USP6NL: variants seen among roughly 807,000 people sequenced by gnomAD.
The protein encoded by USP6NL is USP6 N-terminal-like protein.
In USP6NL, 26 loss-of-function variants were observed where a neutral mutation model predicts 61.9. The observed-to-expected ratio is 0.42, with a 90% CI of 0.31 to 0.58. The LOEUF is 0.58. Among genes scored for constraint, USP6NL ranks in the 20% least tolerant of loss-of-function variants. USP6NL has a pLI of 0.16. For synonymous variants in USP6NL, 432 were observed against 390.1 expected (o/e 1.11, Z -1.27); for missense variants, 1,114 against 1,034.3 (o/e 1.08, Z -1.06).
chr10:11,597,833 C>T lies in USP6NL; in HGVS notation c.-83-116G>A, dbSNP rs1054449026. ...AATATTCTACTATTTCCAAAAAGAA[C>T]TCTTGTGATCACCTATTAAATATAA... is the stretch of plus-strand genomic sequence containing the variant. On this transcript the variant is annotated intron_variant, in intron 1 of 14. Transcript: ENST00000609104. This position sits in a 1 kb window ranked among gnomAD's most constrained non-coding sequence, Gnocchi z 4.6. The T allele has an allele frequency of 9.1e-6, 5 of 551,922 alleles. No homozygotes were observed. The highest frequency in any genetic ancestry group is 6.5e-5 in the Admixed American group (2 of 30,856). 34.2% of individuals were successfully genotyped at this position (551,922 alleles called of 1,614,324 possible). A position where few individuals can be genotyped will look rare whatever the true frequency, so the allele number is the denominator to read the frequency against.
rs1367247194 is a variant in USP6NL, at chr10:11,482,288, C to T, written c.926-366G>A. 1.3e-5 allele frequency among the ~76,000 whole-genome samples: 2 copies of T among 152,188 alleles called. No individual in the cohort carries two copies. Among genetic ancestry groups the T allele is most frequent in the African/African-American group, 2.4e-5 (1 of 41,454 alleles). ...ATGAGGCCTTTCTCTTTTATTGATA[C>T]GGAGCTCCAAGAAGCCCCATTTTAA... On this transcript the variant is annotated intron_variant, in intron 13 of 14. Coordinates refer to ENST00000609104, the MANE Select transcript of USP6NL (RefSeq NM_014688.5). This position sits in a 1 kb window ranked among gnomAD's most constrained non-coding sequence, Gnocchi z 4.0.
intron 2 of USP6NL, among the ~76,000 whole-genome samples, chr10:11,586,970 G>C (rs1837990160): frequency 6.6e-6 from 1 of 152,008 alleles, no homozygotes; most frequent in Non-Finnish European, 1.5e-5. Context: ...TCCTTAAAGT[G>C]GTCCTCCCAA....
At chr10:11,586,363 G>A (rs1236888113) in intron 2 of USP6NL, among the ~76,000 whole-genome samples, 7 of 123,674 alleles carry the variant, frequency 5.7e-5, no homozygotes, top group Non-Finnish European at 1.0e-4. Flanking sequence ...CATCTTAAAT[G>A]ACCAAAAAAA....
chr10:11,479,664 C>T (rs1025597603), intron 14 of USP6NL, among the ~76,000 whole-genome samples: 12 of 151,788 alleles, frequency 7.9e-5, no homozygotes, highest in Admixed American at 5.9e-4. Flanking sequence ...AAAGCTCCAC[C>T]TCCCGGGTTC....
At chr10:11,586,614 A>T (rs910424870) in intron 2 of USP6NL, among the ~76,000 whole-genome samples, 2 of 152,296 alleles carry the variant, frequency 1.3e-5, no homozygotes, top group African/African-American at 4.8e-5. Context: ...GCAGAAATGT[A>T]AATGGCTTCT....
intron 2 of USP6NL, among the ~76,000 whole-genome samples, chr10:11,586,672 A>G (rs1055218327): frequency 1.3e-5 from 2 of 152,176 alleles, no homozygotes; most frequent in Non-Finnish European, 2.9e-5. Context: ...TTTTCAAAAT[A>G]TATTTATTTT....
chr10:11,581,977 T>C (rs1837789697), intron 2 of USP6NL, among the ~76,000 whole-genome samples: 1 of 152,050 alleles, frequency 6.6e-6, no homozygotes, highest in African/African-American at 2.4e-5. Flanking sequence ...GTTGTTGTTG[T>C]TTTTGAGACG....
At position 11,596,162 on chromosome 10, in the gene USP6NL, A is replaced by G. The variant is rs925322903; in HGVS notation, c.4+1469T>C. 2.6e-5 allele frequency among the ~76,000 whole-genome samples: 4 copies of G among 152,262 alleles called. No homozygotes were observed. The highest frequency in any genetic ancestry group is 9.6e-5 in the African/African-American group (4 of 41,476). The stretch of plus-strand genomic sequence containing the variant: ...TCCTAACAGAACCCAAAAATTGCAA[A>G]GTAGAAGAAAATTTATTTCACTTTC... On this transcript the variant is annotated intron_variant, in intron 2 of 14. Transcript: ENST00000609104. This position sits in a 1 kb window ranked among gnomAD's most constrained non-coding sequence, Gnocchi z 4.1.
rs529726355 is a variant in USP6NL, at chr10:11,491,910, A to G, written c.495-1030T>C. 2.0e-5 allele frequency among the ~76,000 whole-genome samples: 3 copies of G among 152,384 alleles called. No individual in the cohort carries two copies. In the South Asian group the frequency reaches 6.2e-4, roughly 32 times the overall value. ...AAACACCACCTGTGACCACATGACC[A>G]GTCACAGAAGGGATTGCTGCAATTA... On this transcript the variant is annotated intron_variant, in intron 8 of 14. Transcript: ENST00000609104. This position sits in a 1 kb window ranked among gnomAD's most constrained non-coding sequence, Gnocchi z 4.7.
rs1255305345 is a variant in USP6NL at position 11,511,127 on chromosome 10, T to C, written c.196-1452A>G. 1.3e-5 allele frequency among the ~76,000 whole-genome samples: 2 copies of C among 152,272 alleles called. No homozygotes were observed. Among genetic ancestry groups the C allele is most frequent in the East Asian group, 3.8e-4 (2 of 5,208 alleles). On this transcript the variant is annotated intron_variant, in intron 5 of 14. Coordinates refer to ENST00000609104, the MANE Select transcript of USP6NL (RefSeq NM_014688.5). This position sits in a 1 kb window ranked among gnomAD's most constrained non-coding sequence, Gnocchi z 4.9. ...TATCTCACCAATGAGAATATTTTTA[T>C]AGAATTTCAATTTTAGGCATATTCT...
At chr10:11,473,734 C>T (rs1832854189) in intron 14 of USP6NL, among the ~76,000 whole-genome samples, 1 of 152,058 alleles carries the variant, frequency 6.6e-6, no homozygotes, top group African/African-American at 2.4e-5. Flanking sequence ...TGGTAAGCTA[C>T]TAATAATAAT....
At position 11,540,345 on chromosome 10, in the gene USP6NL, CAT is replaced by C. The variant is rs1293400592; in HGVS notation, c.5-12780_5-12779del. Reference sequence around the variant, plus strand: ...ATAATAACAAGAAATGATCTGGAAACATGTAAAAATTTGACACAATAATCATC... The same window carrying C: ...ATAATAACAAGAAATGATCTGGAAACGTAAAAATTTGACACAATAATCATC... On this transcript the variant is annotated intron_variant, in intron 2 of 14. Transcript: ENST00000609104. This position sits in a 1 kb window ranked among gnomAD's most constrained non-coding sequence, Gnocchi z 5.0. Among the ~76,000 whole-genome samples the C allele has an allele frequency of 3.3e-5, 5 of 152,080 alleles. No homozygotes were observed.
At position 11,496,592 on chromosome 10, in the gene USP6NL, G is replaced by A. The variant is rs747349182; in HGVS notation, c.385-3364C>T. 6.6e-6 allele frequency among the ~76,000 whole-genome samples: 1 copy of A among 152,112 alleles called. No homozygotes were observed. The highest frequency in any genetic ancestry group is 1.5e-5 in the Non-Finnish European group (1 of 68,028). ...ATCTCCCATGTTTAAACAGATGGGA[G>A]ATTAAAATTTAACCATGTTTAATAT... On this transcript the variant is annotated intron_variant, in intron 7 of 14. Coordinates refer to ENST00000609104, the MANE Select transcript of USP6NL (RefSeq NM_014688.5). This position sits in a 1 kb window ranked among gnomAD's most constrained non-coding sequence, Gnocchi z 5.4.
Position 11,460,760 on chromosome 10 carries a change from T to C in USP6NL, c.*1681A>G. 6.6e-6 allele frequency: 1 copy of C among 151,858 alleles called. No individual in the cohort carries two copies. The allele number at this position is 151,858 out of a possible 1,614,324, so 9.4% of individuals were successfully genotyped here. A position where few individuals can be genotyped will look rare whatever the true frequency, so the allele number is the denominator to read the frequency against. On this transcript the variant is annotated 3_prime_UTR_variant, in exon 15 of 15. Coordinates refer to ENST00000609104, the MANE Select transcript of USP6NL (RefSeq NM_014688.5). ...GCTTGGTTTATTACAAGTCACAGAA[T>C]TATGGTTATATAATGGGAATTAATA... is the stretch of plus-strand genomic sequence containing the variant.
At chr10:11,475,408 C>T (rs1832930487) in intron 14 of USP6NL, among the ~76,000 whole-genome samples, 1 of 151,326 alleles carries the variant, frequency 6.6e-6, no homozygotes, top group African/African-American at 2.4e-5. Flanking sequence ...GTCTGACCAA[C>T]ATGGAGAAAC....
chr10:11,580,038 A>G (rs1837695075), intron 2 of USP6NL, among the ~76,000 whole-genome samples: 1 of 150,672 alleles, frequency 6.6e-6, no homozygotes, highest in African/African-American at 2.4e-5. Flanking sequence ...CATCTAGTGC[A>G]TAGACCCAAA....
intron 2 of USP6NL, among the ~76,000 whole-genome samples, chr10:11,547,609 A>G (rs1010147817): frequency 4.1e-5 from 6 of 147,642 alleles, no homozygotes; most frequent in East Asian, 2.0e-4. Flanking sequence ...GCACGATCTC[A>G]GCTCACTGCA....
At chr10:11,565,081 T>C (rs1837084386) in intron 2 of USP6NL, 1 of 152,230 alleles carries the variant, frequency 6.6e-6, no homozygotes, top group Admixed American at 6.5e-5. Flanking sequence ...AGTTTTTTTC[T>C]CACGTGAAGT....
rs56901021 is a variant in USP6NL at position 11,520,273 on chromosome 10, G to A, written c.156-1699C>T. ...AATAAAAAAGTCTTCAGACCTCATA[G>A]ATGGATGATAGAGTAAATATGTGGT... On this transcript the variant is annotated intron_variant, in intron 4 of 14. Transcript: ENST00000609104. The surrounding 1 kb of genome is among the most constrained non-coding windows in gnomAD (Gnocchi z 5.2). Among the ~76,000 whole-genome samples, 1 of 152,322 alleles carries A rather than the reference G, an allele frequency of 6.6e-6. No homozygotes were observed. The highest frequency in any genetic ancestry group is 1.9e-4 in the East Asian group (1 of 5,182).
Sources: allele counts gnomAD v4.1 joint callset (sites outside exome capture counted in the v4.1 genomes callset), GRCh38; gene constraint gnomAD v4.1.1; non-coding constraint Gnocchi (gnomAD v3.1); transcripts MANE v1.5; gene names NCBI Gene and HGNC (gene_info 2026-07-23, HGNC 2026-07-21).